Variants in SMAD1 observed in about 807,000 individuals in gnomAD.
SMAD1 encodes the protein SMAD family member 1.
Under a neutral mutation model 41.6 loss-of-function variants are expected in SMAD1, and 6 were observed. The ratio of observed to expected loss-of-function variants is 0.14; its 90% confidence interval spans 0.08 to 0.28. The LOEUF (loss-of-function observed/expected upper bound fraction) is 0.28. Ranked by LOEUF, SMAD1 falls within the 10% of genes least tolerant of loss-of-function variation. SMAD1 has a pLI of 1.00. For missense variants in SMAD1, 379 were observed against 582.6 expected (o/e 0.65, Z 3.60); for synonymous variants, 206 against 203.2 (o/e 1.01, Z -0.12).
At chr4:145,540,912 GGC>G (rs1359933012) in intron 3 of SMAD1, among the ~76,000 whole-genome samples, 4 of 152,080 alleles carry the variant, frequency 2.6e-5, no homozygotes, top group African/African-American at 9.7e-5. Context: ...ATCAGTGCTA[GGC>G]CTTCAAAAAT....
At position 145,508,579 on chromosome 4, in the gene SMAD1, C is replaced by G. The variant is rs1462774745; in HGVS notation, c.-176-5859C>G. On this transcript the variant is annotated intron_variant, in intron 1 of 6. Coordinates refer to ENST00000302085, the MANE Select transcript of SMAD1 (RefSeq NM_005900.3). ...GTAATGAACACACAAAATGTTTGCT[C>G]TATTGTTTTGCAAAATTCTACTTAT... 4.6e-5 allele frequency among the ~76,000 whole-genome samples: 7 copies of G among 151,788 alleles called. No individual in the cohort carries two copies. In the East Asian group the frequency reaches 1.4e-3, roughly 29 times the overall value.
chr4:145,498,475 A>G (rs1729224260), intron 1 of SMAD1, among the ~76,000 whole-genome samples: 1 of 151,966 alleles, frequency 6.6e-6, no homozygotes, highest in Non-Finnish European at 1.5e-5. Context: ...TGTAGAAATA[A>G]CTCTCTTACC....
At chr4:145,508,833 T>C (rs1729927280) in intron 1 of SMAD1, among the ~76,000 whole-genome samples, 2 of 152,168 alleles carry the variant, frequency 1.3e-5, no homozygotes, top group Non-Finnish European at 2.9e-5. Context: ...TAACCTCATA[T>C]GGTGGAAGGG....
chr4:145,509,758 A>T (rs946622545), intron 1 of SMAD1, among the ~76,000 whole-genome samples: 2 of 152,186 alleles, frequency 1.3e-5, no homozygotes. Context: ...TGATAATAGC[A>T]TAGTTTTGTT....
chr4:145,493,872 T>C (rs531988080), intron 1 of SMAD1, among the ~76,000 whole-genome samples: 4 of 152,370 alleles, frequency 2.6e-5, no homozygotes, highest in Admixed American at 2.0e-4. Context: ...TTTGAAACTT[T>C]CACTTCAAAA....
chr4:145,489,024 A>G (rs1578732894), intron 1 of SMAD1, among the ~76,000 whole-genome samples: 2 of 152,252 alleles, frequency 1.3e-5, no homozygotes, highest in East Asian at 1.9e-4. Context: ...AGTGTTGAGT[A>G]TCTGTAGAGC....
intron 1 of SMAD1, among the ~76,000 whole-genome samples, chr4:145,488,634 A>G (rs1346614724): frequency 6.6e-6 from 1 of 152,164 alleles, no homozygotes; most frequent in Non-Finnish European, 1.5e-5. Context: ...ATTAGGCATT[A>G]ATTAAGCCAT....
intron 6 of SMAD1, among the ~76,000 whole-genome samples, chr4:145,556,870 G>C (rs536707748): frequency 2.9e-4 from 44 of 152,166 alleles, no homozygotes; most frequent in Non-Finnish European, 5.4e-4. Flanking sequence ...TAGAGACGGG[G>C]TTTCACCATT....
At position 145,539,956 on chromosome 4, in the gene SMAD1, C is replaced by A; in HGVS notation, c.553C>A (p.Pro185Thr). The stretch of plus-strand genomic sequence containing the variant: ...CCAGCAACCCAACAGCCACCCGTTT[C>A]CTCACTCTCCCAATAGCAGTTACCC... ...SFQQPNSHPF[P>T]HSPNSSYPNS... The change falls in exon 3 of 7, where the codon CCT (proline) becomes ACT (threonine). Residue 185 changes from proline (P) to threonine (T), a missense_variant. By Grantham distance (38) the Pro-to-Thr change is conservative. Coordinates refer to ENST00000302085, the MANE Select transcript of SMAD1 (RefSeq NM_005900.3). 2 of 1,614,066 alleles carry A rather than the reference C, an allele frequency of 1.2e-6. No individual in the cohort carries two copies. Among genetic ancestry groups the A allele is most frequent in the Non-Finnish European group, 1.7e-6 (2 of 1,179,984 alleles).
At chr4:145,490,532 T>A (rs1450186087) in intron 1 of SMAD1, among the ~76,000 whole-genome samples, 3 of 152,322 alleles carry the variant, frequency 2.0e-5, no homozygotes, top group Admixed American at 2.0e-4. Flanking sequence ...TTGTTACTTT[T>A]TGGTATCACT....
At chr4:145,498,332 G>C (rs1729212712) in intron 1 of SMAD1, among the ~76,000 whole-genome samples, 1 of 152,088 alleles carries the variant, frequency 6.6e-6, no homozygotes, top group African/African-American at 2.4e-5. Context: ...TATTAACCCA[G>C]AATAGGGTCA....
intron 1 of SMAD1, among the ~76,000 whole-genome samples, chr4:145,498,268 G>A (rs891261241): frequency 6.6e-6 from 1 of 152,108 alleles, no homozygotes; most frequent in African/African-American, 2.4e-5. Context: ...GGAATTTTTT[G>A]ATTATGTGCC....
In SMAD1 at chr4:145,558,079, C is replaced by A. The variant is rs199966682; in HGVS notation, c.*145C>A. Reference sequence around the variant, plus strand: ...CAACTGTTGGATTCAGAAATTTAAACAAAAAAAAAAAAAAACACACACACC... The same window carrying A: ...CAACTGTTGGATTCAGAAATTTAAAAAAAAAAAAAAAAAAACACACACACC... On this transcript the variant is annotated 3_prime_UTR_variant, in exon 7 of 7. Transcript: ENST00000302085. The A allele has an allele frequency of 6.9e-3, 1,974 of 287,438 alleles. 1 individual carries two copies. The highest frequency in any genetic ancestry group is 0.027 in the South Asian group (185 of 6,740). The allele number at this position is 287,438 out of a possible 1,614,324, so 17.8% of individuals were successfully genotyped here.
intron 2 of SMAD1, among the ~76,000 whole-genome samples, chr4:145,536,968 A>G (rs1274669342): frequency 6.6e-6 from 1 of 152,210 alleles, no homozygotes; most frequent in Non-Finnish European, 1.5e-5. Flanking sequence ...ACGGGGAAGC[A>G]TTAGAGGGAC....
At chr4:145,540,118 G>A (rs1731838658) in intron 3 of SMAD1, 57 bp downstream of exon 3, 5 of 1,595,766 alleles carry the variant, frequency 3.1e-6, no homozygotes, top group Non-Finnish European at 4.3e-6. Context: ...TTATCACAGT[G>A]TCACGGAAAA....
chr4:145,505,616 CAAAA>C (rs542570974), intron 1 of SMAD1, among the ~76,000 whole-genome samples: 2 of 95,634 alleles, frequency 2.1e-5, no homozygotes, highest in Non-Finnish European at 2.5e-5. Context: ...AAGACTCTGT[CAAAA>C]AAAAAAAAAA....
At chr4:145,497,232 C>G (rs1729130771) in intron 1 of SMAD1, 1 of 152,188 alleles carries the variant, frequency 6.6e-6, no homozygotes, top group African/African-American at 2.4e-5. Flanking sequence ...CCCACTGAAA[C>G]AGCTGGTTGA....
chr4:145,515,475 A>G (rs1730333344), intron 2 of SMAD1, among the ~76,000 whole-genome samples: 1 of 152,184 alleles, frequency 6.6e-6, no homozygotes, highest in Non-Finnish European at 1.5e-5. Flanking sequence ...GGTAGTTGCC[A>G]GTGACTTAAA....
intron 2 of SMAD1, among the ~76,000 whole-genome samples, chr4:145,524,169 A>G (rs1235272253): frequency 1.3e-5 from 2 of 152,210 alleles, no homozygotes; most frequent in African/African-American, 2.4e-5. Flanking sequence ...GGATTTTATC[A>G]TTGGCATTGG....
Sources: gnomAD v4.1 joint callset for allele counts (sites outside exome capture counted in the v4.1 genomes callset) on GRCh38, gnomAD v4.1.1 for gene constraint, MANE v1.5 for transcripts, NCBI Gene and HGNC (gene_info 2026-07-23, HGNC 2026-07-21) for gene names.